ARMC2: variants seen among roughly 807,000 people sequenced by gnomAD.
ARMC2 encodes armadillo repeat-containing protein 2.
A neutral mutation model predicts 90.3 loss-of-function variants in ARMC2; 67 were observed. The observed-to-expected ratio is 0.74, with a 90% CI of 0.61 to 0.91. The LOEUF (loss-of-function observed/expected upper bound fraction) is 0.91, where lower values mean the gene tolerates loss of function less well. ARMC2 is among the 40% of genes least tolerant of loss of function. The pLI, the probability that ARMC2 is intolerant of heterozygous loss-of-function variation, is 0.00. For synonymous variants in ARMC2, 393 were observed against 393.0 expected, an observed-to-expected ratio of 1.00 and a Z score of 0.00; for missense variants, 920 against 1,030.9, an observed-to-expected ratio of 0.89 and a Z score of 1.47.
At chr6:109,050,268 T>C in the ARMC2 span, among the ~76,000 whole-genome samples, 2 of 151,930 alleles carry the variant, frequency 1.3e-5, no homozygotes, top group African/African-American at 4.8e-5. Flanking sequence ...TGCTACCAGC[T>C]GAAGGTGGCA....
chr6:108,973,594 T>C lies in ARMC2; in HGVS notation c.*80T>C, dbSNP rs1778905509. 1 of 1,367,280 alleles carries C rather than the reference T, an allele frequency of 7.3e-7. No individual in the cohort carries two copies. Among genetic ancestry groups the C allele is most frequent in the Non-Finnish European group, 9.8e-7 (1 of 1,020,636 alleles). 84.7% of individuals were successfully genotyped at this position (1,367,280 alleles called of 1,614,324 possible). The stretch of plus-strand genomic sequence containing the variant: ...ACTGGTAACAAACGTGAACATTTTT[T>C]TCAGCATTAACAAATGTGGAAAGTT... On this transcript the variant is annotated 3_prime_UTR_variant, in exon 18 of 18. Coordinates refer to ENST00000392644, the MANE Select transcript of ARMC2 (RefSeq NM_032131.6).
chr6:108,942,394 A>G (rs1776516074), intron 12 of ARMC2, among the ~76,000 whole-genome samples: 1 of 152,156 alleles, frequency 6.6e-6, no homozygotes, highest in Admixed American at 6.5e-5. Context: ...CCAGCATGGC[A>G]TCTTAGTTTC....
chr6:108,996,685 A>G, the ARMC2 span, among the ~76,000 whole-genome samples: 2 of 152,156 alleles, frequency 1.3e-5, no homozygotes, highest in Non-Finnish European at 2.9e-5. Context: ...AAAATTGTGT[A>G]AGAAAACTCT....
intron 12 of ARMC2, among the ~76,000 whole-genome samples, chr6:108,937,227 G>A (rs938858454): frequency 6.6e-6 from 1 of 151,960 alleles, no homozygotes; most frequent in African/African-American, 2.4e-5. Flanking sequence ...GGTGTAGGAA[G>A]GAAGGTGGTA....
chr6:108,899,090 G>T (rs913218436), intron 6 of ARMC2, among the ~76,000 whole-genome samples: 13 of 152,122 alleles, frequency 8.5e-5, no homozygotes, highest in African/African-American at 2.7e-4. Flanking sequence ...TGCTGATGAG[G>T]AAACAGAGAC....
intron 12 of ARMC2, among the ~76,000 whole-genome samples, chr6:108,943,903 A>T (rs764523419): frequency 1.2e-4 from 18 of 152,214 alleles, no homozygotes; most frequent in Non-Finnish European, 2.5e-4. Flanking sequence ...GAGTTTAATT[A>T]AAAATTTTTT....
At chr6:109,043,122 AT>A in the ARMC2 span, among the ~76,000 whole-genome samples, 1 of 152,188 alleles carries the variant, frequency 6.6e-6, no homozygotes, top group Admixed American at 6.5e-5. Flanking sequence ...GCAGAAAAAC[AT>A]TTGAGTAAAT....
intron 1 of ARMC2, among the ~76,000 whole-genome samples, chr6:108,850,444 C>A (rs1773888425): frequency 1.3e-5 from 2 of 152,184 alleles, no homozygotes; most frequent in South Asian, 4.1e-4. Flanking sequence ...CAGTGCACCT[C>A]ACTTGTTCTC....
chr6:108,967,880 T>G (rs930765508), intron 17 of ARMC2, among the ~76,000 whole-genome samples: 1 of 152,152 alleles, frequency 6.6e-6, no homozygotes, highest in Non-Finnish European at 1.5e-5. Context: ...CATGTTCTGT[T>G]TCATTTCCTG....
chr6:108,957,760 T>G (rs1237180882), intron 13 of ARMC2, among the ~76,000 whole-genome samples: 1 of 152,168 alleles, frequency 6.6e-6, no homozygotes, highest in Non-Finnish European at 1.5e-5. Flanking sequence ...ACTGACCCTC[T>G]CAGTATGCCA....
chr6:108,989,609 ATC>A, the ARMC2 span, among the ~76,000 whole-genome samples: 2 of 151,614 alleles, frequency 1.3e-5, no homozygotes, highest in African/African-American at 2.4e-5. Flanking sequence ...AGAGATAGAT[ATC>A]TCTCTATATA....
chr6:108,905,225 C>T (rs965638067), intron 8 of ARMC2, among the ~76,000 whole-genome samples: 2 of 152,126 alleles, frequency 1.3e-5, no homozygotes, highest in Non-Finnish European at 2.9e-5. Flanking sequence ...TAAGTGTTGG[C>T]GTACTTACTG....
In ARMC2 at chr6:108,883,968, T is replaced by A. The variant is rs149505258; in HGVS notation, c.671+7618T>A. 4.7e-3 allele frequency among the ~76,000 whole-genome samples: 716 copies of A among 152,344 alleles called. 4 individuals carry two copies. Among genetic ancestry groups the A allele is most frequent in the African/African-American group, 0.015 (625 of 41,572 alleles). Reference sequence around the variant, plus strand: ...GTGGTGGGATCCTGGATAATTTTTTTAAAATCTTCTTTGTACTTTATTATA... The same window carrying A: ...GTGGTGGGATCCTGGATAATTTTTTAAAAATCTTCTTTGTACTTTATTATA... On this transcript the variant is annotated intron_variant, in intron 5 of 17. Transcript: ENST00000392644.
the ARMC2 span, chr6:109,009,468 C>G: frequency 7.8e-7 from 1 of 1,274,272 alleles, no homozygotes; most frequent in South Asian, 2.6e-5. Context: ...CATGTCGGCG[C>G]GGGGACGGCT....
chr6:108,957,647 C>G (rs538580932), intron 13 of ARMC2, among the ~76,000 whole-genome samples: 1 of 152,284 alleles, frequency 6.6e-6, no homozygotes, highest in South Asian at 2.1e-4. Flanking sequence ...CTCCCTCTAG[C>G]CCTGCACCCT....
intron 4 of ARMC2, among the ~76,000 whole-genome samples, chr6:108,872,635 A>C (rs150725300): frequency 4.4e-4 from 67 of 152,348 alleles, no homozygotes; most frequent in African/African-American, 1.5e-3. Context: ...TGTGAGCAGC[A>C]GCCTTATCCC....
intron 11 of ARMC2, among the ~76,000 whole-genome samples, chr6:108,935,346 T>C (rs946934765): frequency 4.6e-5 from 7 of 152,138 alleles, no homozygotes; most frequent in African/African-American, 1.7e-4. Context: ...TTTCTTCTAT[T>C]TTAGTAAAAA....
At chr6:109,033,451 GGAT>G in the ARMC2 span, among the ~76,000 whole-genome samples, 1 of 152,150 alleles carries the variant, frequency 6.6e-6, no homozygotes, top group Non-Finnish European at 1.5e-5. Flanking sequence ...CTTATCAATA[GGAT>G]GATAAGGTTA....
intron 1 of ARMC2, among the ~76,000 whole-genome samples, chr6:108,851,407 C>A (rs1226723234): frequency 6.6e-6 from 1 of 152,156 alleles, no homozygotes; most frequent in Admixed American, 6.5e-5. Flanking sequence ...TTTATTGCTG[C>A]CATCAGTTTC....
Sources: allele counts gnomAD v4.1 joint callset (sites outside exome capture counted in the v4.1 genomes callset), GRCh38; gene constraint gnomAD v4.1.1; transcripts MANE v1.5; gene names NCBI Gene and HGNC (gene_info 2026-07-23, HGNC 2026-07-21).